STK17B: variants seen among roughly 807,000 people sequenced by gnomAD.
The protein encoded by STK17B is serine/threonine kinase 17b.
A neutral mutation model predicts 42.0 loss-of-function variants in STK17B; 21 were observed. That is an observed-to-expected ratio of 0.50 (90% CI 0.35 to 0.72). The LOEUF is 0.72. Ranked by LOEUF, STK17B falls within the 30% of genes least tolerant of loss-of-function variation. STK17B has a pLI of 0.00. For synonymous variants in STK17B, 143 were observed against 148.4 expected, an observed-to-expected ratio of 0.96 and a Z score of 0.26; for missense variants, 349 against 446.0, an observed-to-expected ratio of 0.78 and a Z score of 1.96.
chr2:196,146,784 T>C (rs1699583373), intron 3 of STK17B, among the ~76,000 whole-genome samples: 3 of 152,186 alleles, frequency 2.0e-5, no homozygotes, highest in Admixed American at 6.5e-5. Context: ...ACATGGTTAC[T>C]ACACCCATTT....
intron 3 of STK17B, among the ~76,000 whole-genome samples, chr2:196,152,152 C>A (rs4850667): frequency 1.3e-5 from 2 of 150,944 alleles, no homozygotes; most frequent in Non-Finnish European, 3.0e-5. Flanking sequence ...TATTGCCCAG[C>A]CTGGCGCGTA....
chr2:196,166,914 G>T (rs1200799748), intron 1 of STK17B, among the ~76,000 whole-genome samples: 1 of 152,110 alleles, frequency 6.6e-6, no homozygotes, highest in East Asian at 1.9e-4. Context: ...AAATCAAATT[G>T]TCTGTTTTGA....
chr2:196,160,135 T>G (rs1280123741), intron 2 of STK17B, among the ~76,000 whole-genome samples: 1 of 152,192 alleles, frequency 6.6e-6, no homozygotes, highest in Non-Finnish European at 1.5e-5. Context: ...AAATAATCCT[T>G]AAGTTATACC....
intron 3 of STK17B, chr2:196,153,411 T>C (rs1014933318): frequency 1.3e-5 from 2 of 152,144 alleles, no homozygotes; most frequent in Non-Finnish European, 2.9e-5. Context: ...GATGCATATA[T>C]AGAATGTGAG....
At chr2:196,147,739 T>A (rs915446441) in intron 3 of STK17B, among the ~76,000 whole-genome samples, 25 of 151,326 alleles carry the variant, frequency 1.7e-4, no homozygotes, top group African/African-American at 6.1e-4. Flanking sequence ...ATAATATATT[T>A]TTTTTTTTTT....
At chr2:196,143,712 A>G (rs575270041) in intron 4 of STK17B, 26 bp from the exon 5 acceptor site, 16 of 1,481,346 alleles carry the variant, frequency 1.1e-5, no homozygotes, top group South Asian at 2.9e-5. Flanking sequence ...CAAAAACATG[A>G]TAAGTAATAT....
chr2:196,144,149 G>A lies in STK17B; in HGVS notation c.481-463C>T, dbSNP rs1386205944. On this transcript the variant is annotated intron_variant, in intron 4 of 7. Transcript: ENST00000263955. ...GCTCAGGAGTTCAAGAGTAGCCTGT[G>A]CAACATAGTGAGACCCTCTCTTAAA... Among the ~76,000 whole-genome samples, 7 of 150,996 alleles carry A rather than the reference G, an allele frequency of 4.6e-5. No individual in the cohort carries two copies. In the East Asian group the frequency reaches 1.4e-3, roughly 30 times the overall value.
rs1195922657 is a variant in STK17B, at chr2:196,136,087, A to C, written c.*1360T>G. On this transcript the variant is annotated 3_prime_UTR_variant, in exon 8 of 8. Transcript: ENST00000263955. ...AAAATTTTGAGAAGTTAAAGGTCTA[A>C]AGGGGGAACATCAGGTTGTTGTTAC... 1 of 152,212 alleles carries C rather than the reference A, an allele frequency of 6.6e-6. No homozygotes were observed. The highest frequency in any genetic ancestry group is 1.5e-5 in the Non-Finnish European group (1 of 68,042). 9.4% of individuals were successfully genotyped at this position (152,212 alleles called of 1,614,324 possible). A position where few individuals can be genotyped will look rare whatever the true frequency, so the allele number is the denominator to read the frequency against.
Position 196,163,415 on chromosome 2 carries a change from C to A in STK17B, c.-32G>T. ...TGATTCCCAGGTCTGCTTCTTTAGT[C>A]ACTTATTTTTACCTATGCAAAAAAA... On this transcript the variant is annotated 5_prime_UTR_variant, in exon 2 of 8. Coordinates refer to ENST00000263955, the MANE Select transcript of STK17B (RefSeq NM_004226.4). 6.4e-7 allele frequency: 1 copy of A among 1,550,856 alleles called. No individual in the cohort carries two copies. Among genetic ancestry groups the A allele is most frequent in the South Asian group, 1.2e-5 (1 of 80,090 alleles).
intron 3 of STK17B, among the ~76,000 whole-genome samples, chr2:196,149,030 T>TG (rs1699623473): frequency 1.3e-5 from 2 of 152,212 alleles, no homozygotes; most frequent in African/African-American, 4.8e-5. Flanking sequence ...TCCTACTTCA[T>TG]GGTCTAAGAA....
Position 196,158,528 on chromosome 2 carries a change from A to G in STK17B, c.123-1877T>C, listed in dbSNP as rs182614626. 1.5e-4 allele frequency among the ~76,000 whole-genome samples: 23 copies of G among 152,304 alleles called. No homozygotes were observed. The East Asian group carries it at 4.2e-3, about 28-fold the overall frequency. ...GATGGGTTTCGATGAGCACACACAC[A>G]CAAAAATTAGTCCCTTTATATTCAA... is the stretch of plus-strand genomic sequence containing the variant. On this transcript the variant is annotated intron_variant, in intron 2 of 7. Transcript: ENST00000263955.
At chr2:196,171,744 C>T (rs1385300163), upstream of STK17B, among the ~76,000 whole-genome samples, 1 of 146,012 alleles carries the variant, frequency 6.8e-6, no homozygotes, top group Admixed American at 6.8e-5. Flanking sequence ...TGAGAGGGTG[C>T]GGCGCCTGGC....
chr2:196,171,575 G>C lies in STK17B; in HGVS notation c.-287C>G, dbSNP rs966324216. On this transcript the variant is annotated 5_prime_UTR_variant, in exon 1 of 8. Coordinates refer to ENST00000263955, the MANE Select transcript of STK17B (RefSeq NM_004226.4). ...AGGACTACCGAAGCTTGCAGTCGCG[G>C]TTTGAAAACTGCAGCCGCGTCTGGG... 3 of 152,238 alleles carry C rather than the reference G, an allele frequency of 2.0e-5. No homozygotes were observed. The highest frequency in any genetic ancestry group is 4.8e-5 in the African/African-American group (2 of 41,474). The allele number at this position is 152,238 out of a possible 1,614,324, so 9.4% of individuals were successfully genotyped here. A position where few individuals can be genotyped will look rare whatever the true frequency, so the allele number is the denominator to read the frequency against.
chr2:196,158,590 TGA>T (rs1344558311), intron 2 of STK17B, among the ~76,000 whole-genome samples: 3 of 152,208 alleles, frequency 2.0e-5, no homozygotes, highest in Non-Finnish European at 4.4e-5. Flanking sequence ...CTGGATAAAT[TGA>T]GTCAGAATAA....
chr2:196,172,754 T>C (rs1168193576), upstream of STK17B, among the ~76,000 whole-genome samples: 1 of 152,230 alleles, frequency 6.6e-6, no homozygotes, highest in Non-Finnish European at 1.5e-5. Flanking sequence ...TGGAGAATAT[T>C]GCTTCCATCT....
At chr2:196,169,631 C>T (rs1699912911) in intron 1 of STK17B, among the ~76,000 whole-genome samples, 2 of 152,102 alleles carry the variant, frequency 1.3e-5, no homozygotes, top group Admixed American at 6.5e-5. Context: ...TGATTAGAAA[C>T]GTCAGCCATA....
chr2:196,146,227 C>T (rs1225876574), intron 3 of STK17B, among the ~76,000 whole-genome samples, 172 bp from the exon 4 acceptor site: 1 of 152,100 alleles, frequency 6.6e-6, no homozygotes, highest in Non-Finnish European at 1.5e-5. Context: ...GTGATGATGG[C>T]TGGGTGCGGT....
intron 2 of STK17B, among the ~76,000 whole-genome samples, chr2:196,161,436 T>C (rs1286247906): frequency 6.6e-6 from 1 of 151,818 alleles, no homozygotes; most frequent in Non-Finnish European, 1.5e-5. Flanking sequence ...ATTTTGCACA[T>C]TAAATTAGTA....
At chr2:196,145,687 A>ATTT (rs995775065) in intron 4 of STK17B, among the ~76,000 whole-genome samples, 3 of 152,222 alleles carry the variant, frequency 2.0e-5, no homozygotes, top group Non-Finnish European at 2.9e-5. Context: ...GGAATGATGC[A>ATTT]TTTTAAGAGC....
Sources: gnomAD v4.1 joint callset for allele counts (sites outside exome capture counted in the v4.1 genomes callset) on GRCh38, gnomAD v4.1.1 for gene constraint, MANE v1.5 for transcripts, NCBI Gene and HGNC (gene_info 2026-07-23, HGNC 2026-07-21) for gene names.